The following DDHD1 variants were observed in gnomAD, a reference collection of about 807,000 sequenced individuals.
DDHD1 encodes phospholipase DDHD1.
A neutral mutation model predicts 96.4 loss-of-function variants in DDHD1; 49 were observed. The ratio of observed to expected loss-of-function variants is 0.51; its 90% CI spans 0.40 to 0.64. The LOEUF (loss-of-function observed/expected upper bound fraction) is 0.64, where lower values mean the gene tolerates loss of function less well. Among genes scored for constraint, DDHD1 ranks in the 30% least tolerant of loss-of-function variants. The pLI is 0.00. For synonymous variants in DDHD1, 442 were observed against 446.5 expected, an observed-to-expected ratio of 0.99 and a Z score of 0.13; for missense variants, 1,106 against 1,161.2, an observed-to-expected ratio of 0.95 and a Z score of 0.69.
At chr14:53,075,203 AAAGCC>A (rs1285807969) in intron 4 of DDHD1, among the ~76,000 whole-genome samples, 5 of 152,194 alleles carry the variant, frequency 3.3e-5, no homozygotes, top group African/African-American at 1.2e-4. Flanking sequence ...AGGCATGTCA[AAAGCC>A]AAGCATGCCA....
At chr14:53,069,836 C>G (rs935634397) in intron 6 of DDHD1, among the ~76,000 whole-genome samples, 2 of 152,116 alleles carry the variant, frequency 1.3e-5, no homozygotes, top group African/African-American at 2.4e-5. Context: ...TTGAAAATCA[C>G]TGCTAAAGAT....
At chr14:53,099,718 T>TTA (rs1361823210) in intron 2 of DDHD1, among the ~76,000 whole-genome samples, 1 of 152,206 alleles carries the variant, frequency 6.6e-6, no homozygotes, top group Non-Finnish European at 1.5e-5. Context: ...ATTTCTATTT[T>TTA]TATGTTTCAT....
intron 1 of DDHD1, among the ~76,000 whole-genome samples, chr14:53,114,676 C>T (rs1888407589): frequency 6.6e-6 from 1 of 152,156 alleles, no homozygotes; most frequent in African/African-American, 2.4e-5. Context: ...CAGAAAGCAA[C>T]AACATCAACA....
intron 1 of DDHD1, among the ~76,000 whole-genome samples, chr14:53,138,443 G>GGAA (rs1890397778): frequency 6.6e-6 from 1 of 152,114 alleles, no homozygotes; most frequent in Admixed American, 6.5e-5. Context: ...AAGAAAAAAA[G>GGAA]CAAAAAGATT....
At chr14:53,047,599 T>C (rs184821630) in intron 12 of DDHD1, among the ~76,000 whole-genome samples, 4 of 152,094 alleles carry the variant, frequency 2.6e-5, no homozygotes, top group Admixed American at 6.5e-5. Flanking sequence ...ACATGCAGGG[T>C]GGCTGGGAAA....
intron 1 of DDHD1, among the ~76,000 whole-genome samples, chr14:53,130,577 C>A (rs1020676396): frequency 1.3e-5 from 2 of 152,298 alleles, no homozygotes; most frequent in Non-Finnish European, 2.9e-5. Context: ...TGAGACAAAC[C>A]CCAGCCACAT....
At chr14:53,128,257 T>C (rs763556111) in intron 1 of DDHD1, among the ~76,000 whole-genome samples, 1 of 152,230 alleles carries the variant, frequency 6.6e-6, no homozygotes, top group Non-Finnish European at 1.5e-5. Flanking sequence ...TGGACTAATA[T>C]ATGGAGACTA....
At chr14:53,103,601 T>C (rs989327516) in intron 2 of DDHD1, 82 bp downstream of exon 2, 29 of 1,142,576 alleles carry the variant, frequency 2.5e-5, no homozygotes, top group Non-Finnish European at 3.2e-5. Flanking sequence ...TGAATTATTA[T>C]GTCAAATTTA....
At chr14:53,150,508 G>A (rs1255307925) in intron 1 of DDHD1, among the ~76,000 whole-genome samples, 1 of 152,198 alleles carries the variant, frequency 6.6e-6, no homozygotes, top group East Asian at 1.9e-4. Context: ...TTTGTAAACA[G>A]TGAAGTACCA....
intron 2 of DDHD1, among the ~76,000 whole-genome samples, chr14:53,098,061 T>C (rs1887020024): frequency 6.6e-6 from 1 of 151,994 alleles, no homozygotes; most frequent in South Asian, 2.1e-4. Flanking sequence ...CTATGATAAG[T>C]ACAGTAGAGG....
intron 6 of DDHD1, among the ~76,000 whole-genome samples, chr14:53,064,745 T>G (rs1317990702): frequency 6.6e-6 from 1 of 152,132 alleles, no homozygotes; most frequent in Non-Finnish European, 1.5e-5. Context: ...TGACAGCATT[T>G]TCTTTTTCTA....
intron 4 of DDHD1, among the ~76,000 whole-genome samples, chr14:53,080,311 A>C (rs1195738586): frequency 6.6e-6 from 1 of 152,184 alleles, no homozygotes; most frequent in Non-Finnish European, 1.5e-5. Context: ...CAGTGAACTG[A>C]GATCATGCCA....
intron 1 of DDHD1, among the ~76,000 whole-genome samples, chr14:53,129,145 TGGACTCTCTTCAA>T (rs1363292482): frequency 6.6e-6 from 1 of 152,186 alleles, no homozygotes; most frequent in African/African-American, 2.4e-5. Context: ...AGCCTGTTGG[TGGACTCTCTTCAA>T]ATGGACGTGC....
At position 53,042,739 on chromosome 14, in the gene DDHD1, TA is replaced by T. The variant is rs1881741835; in HGVS notation, c.*4028del. 6.6e-6 allele frequency: 1 copy of T among 152,196 alleles called. No homozygotes were observed. 9.4% of individuals were successfully genotyped at this position (152,196 alleles called of 1,614,324 possible). ...CACAGGAATGACAGCGGAATACAGA[TA>T]AGGGATAGAAAACTTTAGAATAGCT... is the stretch of plus-strand genomic sequence containing the variant. On this transcript the variant is annotated 3_prime_UTR_variant, in exon 13 of 13. Coordinates refer to ENST00000673822, the MANE Select transcript of DDHD1 (RefSeq NM_001160148.2).
chr14:53,099,363 C>A (rs527810048), intron 2 of DDHD1, among the ~76,000 whole-genome samples: 2 of 152,154 alleles, frequency 1.3e-5, no homozygotes, highest in Non-Finnish European at 2.9e-5. Context: ...TTCTGTTCTA[C>A]GATCCAATCT....
At position 53,153,222 on chromosome 14, in the gene DDHD1, G is replaced by A; in HGVS notation, c.-124C>T. The A allele has an allele frequency of 2.2e-6, 2 of 899,030 alleles. No individual in the cohort carries two copies. The highest frequency in any genetic ancestry group is 3.0e-6 in the Non-Finnish European group (2 of 663,146). 55.7% of individuals were successfully genotyped at this position (899,030 alleles called of 1,614,324 possible). A position where few individuals can be genotyped will look rare whatever the true frequency, so the allele number is the denominator to read the frequency against. On this transcript the variant is annotated 5_prime_UTR_variant, in exon 1 of 13. Coordinates refer to ENST00000673822, the MANE Select transcript of DDHD1 (RefSeq NM_001160148.2). ...TCTAATCTTTCAAATCCCGACCCGA[G>A]CTGCGGCGGCAGCGGCGACCGCTCC...
chr14:53,126,013 T>C (rs1889402551), intron 1 of DDHD1, among the ~76,000 whole-genome samples: 1 of 152,162 alleles, frequency 6.6e-6, no homozygotes, highest in Admixed American at 6.5e-5. Flanking sequence ...GATGGATTTT[T>C]TAAGATTCCT....
chr14:53,126,882 G>A (rs920413479), intron 1 of DDHD1, among the ~76,000 whole-genome samples: 5 of 152,100 alleles, frequency 3.3e-5, no homozygotes, highest in African/African-American at 1.2e-4. Context: ...GCAAACAAAT[G>A]TCAGACTGTC....
chr14:53,108,756 G>A (rs1887888994), intron 1 of DDHD1, among the ~76,000 whole-genome samples: 1 of 152,066 alleles, frequency 6.6e-6, no homozygotes, highest in South Asian at 2.1e-4. Context: ...ATCAAATTTT[G>A]TTGCACTTCT....
Sources: allele counts gnomAD v4.1 joint callset (sites outside exome capture counted in the v4.1 genomes callset), GRCh38; gene constraint gnomAD v4.1.1; transcripts MANE v1.5; gene names NCBI Gene and HGNC (gene_info 2026-07-23, HGNC 2026-07-21).